The following KIAA1217 variants were observed in gnomAD, a reference collection of about 807,000 sequenced individuals.
The protein encoded by KIAA1217 is KIAA1217.
A neutral mutation model predicts 163.9 loss-of-function variants in KIAA1217; 88 were observed. That is an observed-to-expected ratio of 0.54 (90% CI 0.45 to 0.64). The LOEUF (loss-of-function observed/expected upper bound fraction) is 0.64, where lower values mean the gene tolerates loss of function less well. Ranked by LOEUF, KIAA1217 falls within the 30% of genes least tolerant of loss-of-function variation. KIAA1217 has a pLI of 0.00. For missense variants in KIAA1217, 2,372 were observed against 2,475.0 expected, an observed-to-expected ratio of 0.96 and a Z score of 0.88; for synonymous variants, 903 against 923.1, an observed-to-expected ratio of 0.98 and a Z score of 0.39.
chr10:24,262,415 C>T (rs1488661369), intron 2 of KIAA1217, among the ~76,000 whole-genome samples: 1 of 151,976 alleles, frequency 6.6e-6, no homozygotes, highest in Non-Finnish European at 1.5e-5. Context: ...ATCACAAGGT[C>T]AGGAGATAGA....
chr10:24,211,174 A>G (rs983634192), intron 1 of KIAA1217, among the ~76,000 whole-genome samples: 4 of 152,102 alleles, frequency 2.6e-5, no homozygotes, highest in African/African-American at 4.8e-5. Flanking sequence ...TGATATTTGA[A>G]CAAAGACAGG....
At chr10:23,702,666 T>TACACAC (rs377621544) in intron 1 of KIAA1217, among the ~76,000 whole-genome samples, 6,231 of 134,340 alleles carry the variant, frequency 0.046, 165 homozygotes, top group Middle Eastern at 0.049. Flanking sequence ...AACAGGAGAA[T>TACACAC]ACACACACAC....
chr10:24,325,767 T>C (rs1390745178), intron 2 of KIAA1217, among the ~76,000 whole-genome samples: 2 of 152,142 alleles, frequency 1.3e-5, no homozygotes, highest in Non-Finnish European at 2.9e-5. Flanking sequence ...TGTCTGGACA[T>C]GTATGAAATG....
chr10:24,493,278 G>T (rs1199732210), intron 6 of KIAA1217, among the ~76,000 whole-genome samples: 1 of 152,236 alleles, frequency 6.6e-6, no homozygotes, highest in Non-Finnish European at 1.5e-5. Flanking sequence ...ACTGAGATCC[G>T]CAGTGAGGAG....
In KIAA1217 at chr10:24,469,165, G is replaced by A. The variant is rs142474302; in HGVS notation, c.847-4063G>A. ...TGGAGACAGAGAGTCTTGCTGTGTC[G>A]CCCAGGTTGGAGTACTGTGGTGTAT... On this transcript the variant is annotated intron_variant, in intron 5 of 20. Transcript: ENST00000376454. Among the ~76,000 whole-genome samples the A allele has an allele frequency of 2.2e-3, 341 of 151,586 alleles. 1 individual carries two copies. Among genetic ancestry groups the A allele is most frequent in the African/African-American group, 7.6e-3 (316 of 41,368 alleles).
chr10:24,164,194 C>T (rs2131893531), intron 2 of KIAA1217, among the ~76,000 whole-genome samples: 1 of 152,254 alleles, frequency 6.6e-6, no homozygotes, highest in African/African-American at 2.4e-5. Flanking sequence ...ATAGGAAAGC[C>T]ACCCAGTTGC....
At chr10:23,866,462 C>T (rs142315885) in intron 1 of KIAA1217, among the ~76,000 whole-genome samples, 48 of 152,258 alleles carry the variant, frequency 3.2e-4, no homozygotes, top group African/African-American at 1.1e-3. Context: ...AGTACACCCA[C>T]AATTTATTAT....
rs760090400 is a variant in KIAA1217 at position 23,940,460 on chromosome 10, CAAAAAAA to C, written c.-320-66747_-320-66741del. ...GGGCGACAACAGAGAGACTCCGTCT[CAAAAAAA>C]AAAAAAAAAAAAAAAAAGAAAAAAG... is the stretch of plus-strand genomic sequence containing the variant. On this transcript the variant is annotated intron_variant, in intron 1 of 18. Coordinates refer to the KIAA1217 transcript ENST00000376462. 6.8e-3 allele frequency among the ~76,000 whole-genome samples: 313 copies of C among 46,012 alleles called. 1 individual carries two copies. Among genetic ancestry groups the C allele is most frequent in the South Asian group, 0.015 (15 of 992 alleles). 30.2% of individuals were successfully genotyped at this position (46,012 alleles called of 152,430 possible). A position where few individuals can be genotyped will look rare whatever the true frequency, so the allele number is the denominator to read the frequency against.
intron 1 of KIAA1217, among the ~76,000 whole-genome samples, chr10:23,771,242 A>G (rs1834781556): frequency 6.6e-6 from 1 of 152,168 alleles, no homozygotes; most frequent in African/African-American, 2.4e-5. Context: ...TCTGCAGTGA[A>G]TATTAGAACC....
chr10:24,517,323 G>C (rs11014135), intron 10 of KIAA1217, among the ~76,000 whole-genome samples: 45,435 of 151,972 alleles, frequency 0.3, 7,099 homozygotes, highest in Middle Eastern at 0.4. Flanking sequence ...AAGACAGCTG[G>C]AAATAGCTAG....
chr10:24,494,684 T>C lies in KIAA1217; in HGVS notation c.1784+80T>C, dbSNP rs1056819155. 1.9e-5 allele frequency: 19 copies of C among 992,086 alleles called. No individual in the cohort carries two copies. In the African/African-American group the frequency reaches 2.3e-4, roughly 12 times the overall value. The allele number at this position is 992,086 out of a possible 1,614,324, so 61.5% of individuals were successfully genotyped here. A position where few individuals can be genotyped will look rare whatever the true frequency, so the allele number is the denominator to read the frequency against. On this transcript the variant is annotated intron_variant, in intron 7 of 20. Transcript: ENST00000376454. ...CATTAAGATAATTCATTCATTCAAA[T>C]CTGTTTTCTTGTAATCATTTCAAGG...
chr10:23,803,435 C>T (rs1358720856), intron 1 of KIAA1217, among the ~76,000 whole-genome samples: 1 of 152,228 alleles, frequency 6.6e-6, no homozygotes, highest in Non-Finnish European at 1.5e-5. Flanking sequence ...GCCCAGTCCC[C>T]ATGCCTCAAT....
At chr10:24,048,279 T>A (rs1340109892) in intron 2 of KIAA1217, among the ~76,000 whole-genome samples, 1 of 152,222 alleles carries the variant, frequency 6.6e-6, no homozygotes, top group Non-Finnish European at 1.5e-5. Context: ...TTACTCTGAG[T>A]AGCCACTGTA....
rs1417805516 is a variant in KIAA1217, at chr10:23,934,621, A to ATTTTTTTT, written c.-320-72603_-320-72602insTTTTTTTT. 4.2e-4 allele frequency among the ~76,000 whole-genome samples: 26 copies of ATTTTTTTT among 61,726 alleles called. 1 individual carries two copies. The highest frequency in any genetic ancestry group is 1.3e-3 in the African/African-American group (7 of 5,516). 40.5% of individuals were successfully genotyped at this position (61,726 alleles called of 152,430 possible). ...TATATATATATGTATATATATATAT[A>ATTTTTTTT]TATATTTTTTTTTTGAGACGGAGTC... On this transcript the variant is annotated intron_variant, in intron 1 of 18. Transcript: ENST00000376462.
intron 1 of KIAA1217, among the ~76,000 whole-genome samples, chr10:23,937,722 T>C (rs1205370690): frequency 6.6e-6 from 1 of 152,108 alleles, no homozygotes; most frequent in Non-Finnish European, 1.5e-5. Flanking sequence ...CAGGCCAAAT[T>C]GGGATAACAG....
chr10:23,991,877 G>A (rs1434170417), intron 1 of KIAA1217, among the ~76,000 whole-genome samples: 1 of 152,124 alleles, frequency 6.6e-6, no homozygotes, highest in East Asian at 1.9e-4. Flanking sequence ...GGTTGGGTGT[G>A]TTTTAGGAGA....
chr10:24,430,977 A>G (rs1197169405), intron 3 of KIAA1217, among the ~76,000 whole-genome samples: 3 of 152,182 alleles, frequency 2.0e-5, no homozygotes. Context: ...CATTCAACTC[A>G]CTATGCATTT....
chr10:23,728,839 A>G (rs1838312620), intron 1 of KIAA1217, among the ~76,000 whole-genome samples: 1 of 152,204 alleles, frequency 6.6e-6, no homozygotes, highest in African/African-American at 2.4e-5. Context: ...TAAGACAAGC[A>G]CAGCCTCTGC....
intron 5 of KIAA1217, among the ~76,000 whole-genome samples, chr10:24,460,434 A>G (rs1322465137): frequency 6.6e-6 from 1 of 152,166 alleles, no homozygotes; most frequent in Non-Finnish European, 1.5e-5. Flanking sequence ...AAGAATGGGC[A>G]TGAGGGCTTT....
Sources: allele counts gnomAD v4.1 joint callset (sites outside exome capture counted in the v4.1 genomes callset), GRCh38; gene constraint gnomAD v4.1.1; transcripts MANE v1.5; gene names NCBI Gene and HGNC (gene_info 2026-07-23, HGNC 2026-07-21).